OVOL2: variants seen among roughly 807,000 people sequenced by gnomAD.
OVOL2 encodes the protein transcription factor Ovo-like 2.
In OVOL2, 13 loss-of-function variants were observed where a neutral mutation model predicts 18.1. That is an observed-to-expected ratio of 0.72 (90% confidence interval 0.47 to 1.14). OVOL2 has a LOEUF of 1.14. OVOL2 is among the 50% of genes most tolerant of loss of function. OVOL2 has a pLI of 0.00. For missense variants in OVOL2, 335 were observed against 383.0 expected (o/e 0.87, Z 1.05); for synonymous variants, 166 against 162.7 (o/e 1.02, Z -0.16).
At chr20:18,044,599 T>A (rs1227285505) in intron 2 of OVOL2, among the ~76,000 whole-genome samples, 1 of 152,184 alleles carries the variant, frequency 6.6e-6, no homozygotes, top group Non-Finnish European at 1.5e-5. Flanking sequence ...ACAAGCCCTG[T>A]GCTTAGAGCT....
intron 3 of OVOL2, among the ~76,000 whole-genome samples, chr20:18,038,253 G>A (rs1430406566): frequency 1.3e-5 from 2 of 152,176 alleles, no homozygotes; most frequent in Non-Finnish European, 2.9e-5. Flanking sequence ...GGAAGCCTCT[G>A]CCAACTGTTG....
At chr20:18,048,928 G>C (rs2036747607) in intron 2 of OVOL2, among the ~76,000 whole-genome samples, 1 of 152,108 alleles carries the variant, frequency 6.6e-6, no homozygotes, top group African/African-American at 2.4e-5. Flanking sequence ...TTTACACCAT[G>C]CTACCTTCTG....
At chr20:18,025,223 T>G (rs2036501845) in intron 3 of OVOL2, among the ~76,000 whole-genome samples, 1 of 152,202 alleles carries the variant, frequency 6.6e-6, no homozygotes, top group South Asian at 2.1e-4. Context: ...TTCTTCCAAC[T>G]CACATACCTT....
At chr20:18,051,981 C>A (rs1001856038) in intron 2 of OVOL2, among the ~76,000 whole-genome samples, 22 of 152,246 alleles carry the variant, frequency 1.4e-4, no homozygotes, top group Non-Finnish European at 2.8e-4. Context: ...CTCAGGTGAT[C>A]CGCCCGCCTC....
chr20:18,030,972 G>T (rs1312278563), intron 3 of OVOL2, among the ~76,000 whole-genome samples: 1 of 152,180 alleles, frequency 6.6e-6, no homozygotes, highest in African/African-American at 2.4e-5. Flanking sequence ...AGGGGGACGT[G>T]GGTGGCCAGA....
chr20:18,054,481 G>A lies in OVOL2; in HGVS notation c.321+2176C>T, dbSNP rs535848059. Among the ~76,000 whole-genome samples, 16 of 152,302 alleles carry A rather than the reference G, an allele frequency of 1.1e-4. No homozygotes were observed. The East Asian group carries it at 2.7e-3, about 26-fold the overall frequency. On this transcript the variant is annotated intron_variant, in intron 2 of 3. Coordinates refer to ENST00000278780, the MANE Select transcript of OVOL2 (RefSeq NM_021220.4). ...TTCTTGGCTGGATGCGGTGGCTCAC[G>A]CCTGTAATCCCAGCACTTTGGGAGG...
intron 2 of OVOL2, among the ~76,000 whole-genome samples, chr20:18,053,386 T>C (rs1215208076): frequency 6.6e-6 from 1 of 152,092 alleles, no homozygotes; most frequent in Non-Finnish European, 1.5e-5. Context: ...GAGATAATGA[T>C]CCATGAACAC....
At chr20:18,037,204 TG>T (rs1281358217) in intron 3 of OVOL2, among the ~76,000 whole-genome samples, 1 of 150,070 alleles carries the variant, frequency 6.7e-6, no homozygotes, top group African/African-American at 2.5e-5. Context: ...TCAGGGGGAA[TG>T]CTGAGGAAGG....
rs2036846052 is a variant in OVOL2 at position 18,057,871 on chromosome 20, G to A, written c.-237C>T. On this transcript the variant is annotated 5_prime_UTR_variant, in exon 1 of 4. Coordinates refer to ENST00000278780, the MANE Select transcript of OVOL2 (RefSeq NM_021220.4). This position sits in a 1 kb window ranked among gnomAD's most constrained non-coding sequence, Gnocchi z 6.3. ...TTAAATCGCGAGTGAGACCACGCCG[G>A]GGAAAAAGTTTCATAAGGTGGAATA... 7.5e-6 allele frequency: 10 copies of A among 1,337,226 alleles called. No individual in the cohort carries two copies. The highest frequency in any genetic ancestry group is 4.8e-6 in the Non-Finnish European group (5 of 1,050,582). The allele number at this position is 1,337,226 out of a possible 1,614,324, so 82.8% of individuals were successfully genotyped here.
Position 18,024,724 on chromosome 20 carries a change from G to A in OVOL2, c.740C>T (p.Ser247Phe). The A allele has an allele frequency of 2.5e-6, 4 of 1,614,156 alleles. No individual in the cohort carries two copies. The highest frequency in any genetic ancestry group is 2.2e-5 in the East Asian group (1 of 44,892). Reference protein sequence around the residue: ...HPGSSFLKKTSKKLAALLQGK... With the variant: ...HPGSSFLKKTFKKLAALLQGK... ...CTGCAGAAGGGCTGCCAGTTTTTTAGATGTCTTTTTGAGAAACGAGCTGCC... is the reference window on the plus strand; with the variant it reads ...CTGCAGAAGGGCTGCCAGTTTTTTAAATGTCTTTTTGAGAAACGAGCTGCC... The change falls in exon 4 of 4, where the codon TCT (serine) becomes TTT (phenylalanine). Residue 247 changes from serine (S) to phenylalanine (F), a missense_variant. Coordinates refer to ENST00000278780, the MANE Select transcript of OVOL2 (RefSeq NM_021220.4).
chr20:18,030,136 G>A (rs1483129967), intron 3 of OVOL2, among the ~76,000 whole-genome samples: 1 of 152,180 alleles, frequency 6.6e-6, no homozygotes, highest in East Asian at 1.9e-4. Context: ...CATAGGCAAG[G>A]ACTACAGACT....
At chr20:18,058,108 T>TC (rs1204127950), upstream of OVOL2, among the ~76,000 whole-genome samples, 11 of 151,746 alleles carry the variant, frequency 7.2e-5, no homozygotes, top group Admixed American at 5.3e-4. Context: ...CCCGCCCCAT[T>TC]CCCCCATCAC....
intron 3 of OVOL2, among the ~76,000 whole-genome samples, chr20:18,027,092 A>T (rs2036526705): frequency 7.2e-6 from 1 of 139,042 alleles, no homozygotes; most frequent in Non-Finnish European, 1.5e-5. Context: ...GCACCCCCTG[A>T]ATCTAAAATC....
chr20:18,041,508 G>GA (rs751450738), intron 3 of OVOL2, 26 bp downstream of exon 3: 1 of 1,593,490 alleles, frequency 6.3e-7, no homozygotes, highest in South Asian at 1.1e-5. Flanking sequence ...ACAAAACAGA[G>GA]AACAAAGCAC....
chr20:18,054,594 T>G (rs1462286814), intron 2 of OVOL2, among the ~76,000 whole-genome samples: 1 of 151,872 alleles, frequency 6.6e-6, no homozygotes, highest in Non-Finnish European at 1.5e-5. Flanking sequence ...ATTACAAAAT[T>G]AGCCGGCGAT....
intron 3 of OVOL2, among the ~76,000 whole-genome samples, chr20:18,030,396 G>A (rs1436287224): frequency 6.6e-6 from 1 of 152,166 alleles, no homozygotes; most frequent in Non-Finnish European, 1.5e-5. Flanking sequence ...TAAAAATATG[G>A]GGAAGCTGGC....
At chr20:18,052,313 C>A (rs73899400) in intron 2 of OVOL2, among the ~76,000 whole-genome samples, 7,312 of 152,198 alleles carry the variant, frequency 0.048, 203 homozygotes, top group African/African-American at 0.065. Context: ...ATTATGTGGA[C>A]CTGATTAAGC....
At chr20:18,043,654 G>A (rs16978731) in intron 2 of OVOL2, among the ~76,000 whole-genome samples, 2,643 of 152,172 alleles carry the variant, frequency 0.017, 33 homozygotes, top group South Asian at 0.053. Flanking sequence ...AATCATAAAC[G>A]CATAAAATTA....
In OVOL2 at chr20:18,024,487, T is replaced by C. The variant is rs1362778841; in HGVS notation, c.*149A>G. On this transcript the variant is annotated 3_prime_UTR_variant, in exon 4 of 4. Coordinates refer to ENST00000278780, the MANE Select transcript of OVOL2 (RefSeq NM_021220.4). ...CTAACGGCAACTGACAATCTTGGAA[T>C]GGACCCTACTGCTGATGTTTCAAAA... 8 of 1,415,364 alleles carry C rather than the reference T, an allele frequency of 5.7e-6. No individual in the cohort carries two copies. The highest frequency in any genetic ancestry group is 2.6e-4 in the Middle Eastern group (1 of 3,830). 87.7% of individuals were successfully genotyped at this position (1,415,364 alleles called of 1,614,324 possible).
Sources: allele counts gnomAD v4.1 joint callset (sites outside exome capture counted in the v4.1 genomes callset), GRCh38; gene constraint gnomAD v4.1.1; non-coding constraint Gnocchi (gnomAD v3.1); transcripts MANE v1.5; gene names NCBI Gene and HGNC (gene_info 2026-07-23, HGNC 2026-07-21).